ABCA12: variants seen among roughly 807,000 people sequenced by gnomAD.
ABCA12 encodes glucosylceramide transporter ABCA12.
Under a neutral mutation model 293.5 loss-of-function variants are expected in ABCA12, and 156 were observed. The ratio of observed to expected loss-of-function variants is 0.53; its 90% confidence interval spans 0.47 to 0.61. The LOEUF is 0.61. Ranked by LOEUF, ABCA12 falls within the 20% of genes least tolerant of loss-of-function variation. ABCA12 has a pLI of 0.00. For synonymous variants in ABCA12, 1,063 were observed against 1,108.0 expected (o/e 0.96, Z 0.81); for missense variants, 2,797 against 3,090.2 (o/e 0.91, Z 2.25).
intron 3 of ABCA12, among the ~76,000 whole-genome samples, chr2:215,060,298 T>C (rs865916908): frequency 1.3e-5 from 2 of 152,104 alleles, no homozygotes; most frequent in African/African-American, 4.8e-5. Context: ...CTATAGTGAC[T>C]TGCATAGCCT....
chr2:215,021,369 T>C (rs2106016060), intron 11 of ABCA12, among the ~76,000 whole-genome samples: 1 of 152,204 alleles, frequency 6.6e-6, no homozygotes, highest in East Asian at 1.9e-4. Flanking sequence ...CTTAAAGGGG[T>C]TTAAAAATCC....
rs1215880603 is a variant in ABCA12, at chr2:214,978,979, G to A, written c.4802C>T (p.Ser1601Leu). The A allele has an allele frequency of 4.3e-6, 7 of 1,613,982 alleles. No individual in the cohort carries two copies. The Admixed American group carries it at 1.2e-4, about 27-fold the overall frequency. The change falls in exon 32 of 53, where the codon TCA becomes TTA. Residue 1601 changes from serine to leucine, a missense_variant. Physicochemically the swap from Ser to Leu is moderately radical, Grantham distance 145 (BLOSUM62 -2). Around this residue, in one of 3 missense-constraint regions of ABCA12, gnomAD observed 2,130 missense variants for 2,427.0 expected, o/e 0.88. Transcript: ENST00000272895. The stretch of plus-strand genomic sequence containing the variant: ...CTTGAGGTAGGCTTCGGGGAGATGT[G>A]ATTGGATCATTGCTGTCACGGCCAT... Reference protein sequence around the residue: ...DTMAVTAMIQSHLPEAYLKED... With the variant: ...DTMAVTAMIQLHLPEAYLKED...
At chr2:215,023,148 C>T (rs1273502286) in intron 11 of ABCA12, 4 of 152,168 alleles carry the variant, frequency 2.6e-5, no homozygotes, top group Admixed American at 2.0e-4. Flanking sequence ...TACTAATTAT[C>T]AGGGTGAACA....
chr2:214,943,965 A>G (rs1335143605), intron 49 of ABCA12, among the ~76,000 whole-genome samples: 2 of 152,232 alleles, frequency 1.3e-5, no homozygotes, highest in East Asian at 3.8e-4. Flanking sequence ...AATACAAATT[A>G]TAAGACAAGG....
chr2:215,100,731 G>A (rs1702341379), intron 2 of ABCA12, among the ~76,000 whole-genome samples: 1 of 151,994 alleles, frequency 6.6e-6, no homozygotes, highest in South Asian at 2.1e-4. Flanking sequence ...ACAGCCCTAG[G>A]CACATCCTTG....
At chr2:214,956,310 A>T (rs1698946660) in intron 42 of ABCA12, among the ~76,000 whole-genome samples, 1 of 152,048 alleles carries the variant, frequency 6.6e-6, no homozygotes, top group Non-Finnish European at 1.5e-5. Flanking sequence ...ATAATGCTAC[A>T]TATACTCATA....
chr2:215,022,477 T>C (rs1309202763), intron 11 of ABCA12: 2 of 152,232 alleles, frequency 1.3e-5, no homozygotes, highest in African/African-American at 4.8e-5. Context: ...AATACAGGCA[T>C]TAAAGTTCTA....
At chr2:215,023,851 CT>C (rs2106019418) in intron 11 of ABCA12, among the ~76,000 whole-genome samples, 1 of 152,320 alleles carries the variant, frequency 6.6e-6, no homozygotes, top group East Asian at 1.9e-4. Context: ...GAGATGTCAT[CT>C]CATTAGAGAT....
At chr2:214,955,915 G>GCAAGC in intron 42 of ABCA12, among the ~76,000 whole-genome samples, 1 of 152,182 alleles carries the variant, frequency 6.6e-6, no homozygotes, top group South Asian at 2.1e-4. Context: ...TCCCGCCTAG[G>GCAAGC]CAAGCCTTTT....
chr2:215,126,299 G>A (rs1702920910), intron 1 of ABCA12, among the ~76,000 whole-genome samples: 1 of 152,046 alleles, frequency 6.6e-6, no homozygotes, highest in African/African-American at 2.4e-5. Flanking sequence ...TTAAGATGAT[G>A]CTGACTTCAT....
intron 1 of ABCA12, among the ~76,000 whole-genome samples, chr2:215,124,897 G>A (rs1287139851): frequency 6.6e-6 from 1 of 152,092 alleles, no homozygotes. Context: ...TGTCTAGAAG[G>A]GTTTTTCCAA....
At chr2:215,008,262 A>T (rs1214995820) in intron 18 of ABCA12, among the ~76,000 whole-genome samples, 2 of 152,232 alleles carry the variant, frequency 1.3e-5, no homozygotes, top group Non-Finnish European at 2.9e-5. Flanking sequence ...CAATTTGACA[A>T]TGGCTATTAA....
At position 215,094,201 on chromosome 2, in the gene ABCA12, G is replaced by A. The variant is rs568039697; in HGVS notation, c.163+17396C>T. On this transcript the variant is annotated intron_variant, in intron 2 of 52. Coordinates refer to ENST00000272895, the MANE Select transcript of ABCA12 (RefSeq NM_173076.3). ...GGGCTGAAAGAGGTTTCCTCACTAC[G>A]CAAGTGTCCTCCTTTATTAATGCCT... Among the ~76,000 whole-genome samples, 12 of 152,218 alleles carry A rather than the reference G, an allele frequency of 7.9e-5. No individual in the cohort carries two copies. In the South Asian group the frequency reaches 8.3e-4, roughly 11 times the overall value.
At chr2:215,012,170 T>A (rs1466464794) in intron 15 of ABCA12, 35 bp from the exon 16 acceptor site, 1 of 1,601,378 alleles carries the variant, frequency 6.2e-7, no homozygotes. Context: ...ATGCTTTATG[T>A]GGAAAAATTG....
chr2:215,045,279 C>T (rs1575007075), intron 7 of ABCA12, among the ~76,000 whole-genome samples: 1 of 152,132 alleles, frequency 6.6e-6, no homozygotes, highest in African/African-American at 2.4e-5. Flanking sequence ...GGTGTTTCTC[C>T]TGCAAAGGTT....
At chr2:215,102,909 T>G (rs1702387770) in intron 2 of ABCA12, among the ~76,000 whole-genome samples, 1 of 152,228 alleles carries the variant, frequency 6.6e-6, no homozygotes, top group African/African-American at 2.4e-5. Flanking sequence ...TGAATATTGA[T>G]ATTTTGTTCA....
chr2:215,136,497 T>G (rs1703230271), intron 1 of ABCA12, among the ~76,000 whole-genome samples: 1 of 152,190 alleles, frequency 6.6e-6, no homozygotes, highest in South Asian at 2.1e-4. Flanking sequence ...AAAATAGAGT[T>G]GTAAAAGAAA....
intron 20 of ABCA12, among the ~76,000 whole-genome samples, chr2:215,002,526 A>G (rs1363877640): frequency 2.0e-5 from 3 of 152,224 alleles, no homozygotes; most frequent in Non-Finnish European, 4.4e-5. Flanking sequence ...AAGGCTGCGA[A>G]TATCATAAAT....
intron 23 of ABCA12, among the ~76,000 whole-genome samples, chr2:214,996,652 G>A (rs2105983728): frequency 6.6e-6 from 1 of 152,308 alleles, no homozygotes; most frequent in African/African-American, 2.4e-5. Context: ...ATATAAAAAT[G>A]CAGCTGTGTG....
Sources: gnomAD v4.1 joint callset for allele counts (sites outside exome capture counted in the v4.1 genomes callset) on GRCh38, gnomAD v4.1.1 for gene constraint, gnomAD v4.1.1 regional missense constraint, MANE v1.5 for transcripts, NCBI Gene and HGNC (gene_info 2026-07-23, HGNC 2026-07-21) for gene names.